Variants in ETNK1 observed in about 807,000 individuals in gnomAD.
ETNK1 encodes the protein putative protein product of Nbla10396.
A neutral mutation model predicts 45.1 loss-of-function variants in ETNK1; 8 were observed. The observed-to-expected ratio is 0.18, with a 90% CI of 0.10 to 0.32. ETNK1 has a LOEUF of 0.32. Ranked by LOEUF, ETNK1 falls within the 10% of genes least tolerant of loss-of-function variation. The pLI, the probability that ETNK1 is intolerant of heterozygous loss-of-function variation, is 1.00. For missense variants in ETNK1, 302 were observed against 430.6 expected (o/e 0.70, Z 2.64); for synonymous variants, 152 against 151.9 (o/e 1.00, Z -0.01).
intron 6 of ETNK1, among the ~76,000 whole-genome samples, chr12:22,678,316 T>A (rs1954180128): frequency 6.6e-6 from 1 of 152,216 alleles, no homozygotes; most frequent in Non-Finnish European, 1.5e-5. Context: ...GAAAATCAGG[T>A]AAGGCTTACC....
In ETNK1 at chr12:22,686,173, T is replaced by C. The variant is rs1954259016; in HGVS notation, c.*1219T>C. 6.6e-6 allele frequency: 1 copy of C among 152,358 alleles called. No homozygotes were observed. The highest frequency in any genetic ancestry group is 1.5e-5 in the Non-Finnish European group (1 of 67,804). The allele number at this position is 152,358 out of a possible 1,614,324, so 9.4% of individuals were successfully genotyped here. A position where few individuals can be genotyped will look rare whatever the true frequency, so the allele number is the denominator to read the frequency against. On this transcript the variant is annotated 3_prime_UTR_variant, in exon 8 of 8. Transcript: ENST00000266517. ...CAGGAGGGCTTTTGTTTATTTCTCT[T>C]GTTTTTGTTTAACTGTATTTTTAAT...
In ETNK1 at chr12:22,656,318, T is replaced by G. The variant is rs1246425472; in HGVS notation, c.417-2696T>G. 4.2e-6 allele frequency: 3 copies of G among 706,688 alleles called. No homozygotes were observed. The African/African-American group carries it at 5.8e-5, about 14-fold the overall frequency. 43.8% of individuals were successfully genotyped at this position (706,688 alleles called of 1,614,324 possible). ...GATTCTCATGAACTTCAAAATACTT[T>G]ATTTAAAAAACAACTTGAGGCAGCA... On this transcript the variant is annotated intron_variant, in intron 2 of 7. Coordinates refer to ENST00000266517, the MANE Select transcript of ETNK1 (RefSeq NM_018638.5).
chr12:22,630,475 T>A (rs1953561896), intron 1 of ETNK1, among the ~76,000 whole-genome samples: 1 of 151,962 alleles, frequency 6.6e-6, no homozygotes, highest in Admixed American at 6.6e-5. Context: ...GTAGATGAGA[T>A]CAGATTGAAA....
chr12:22,650,641 G>C (rs962366185), intron 2 of ETNK1, among the ~76,000 whole-genome samples: 1 of 151,760 alleles, frequency 6.6e-6, no homozygotes, highest in Non-Finnish European at 1.5e-5. Context: ...TGGTCACAGT[G>C]TATAATTTCT....
rs1954281482 is a variant in ETNK1, at chr12:22,688,800, TAGTC to T, written c.*3847_*3850del. ...AAATTGATTTGCTCTGGTTTTTCTT[TAGTC>T]CATTAGATTCCAGAATGTCCTTTTA... On this transcript the variant is annotated 3_prime_UTR_variant, in exon 8 of 8. Coordinates refer to ENST00000266517, the MANE Select transcript of ETNK1 (RefSeq NM_018638.5). 1 of 152,024 alleles carries T rather than the reference TAGTC, an allele frequency of 6.6e-6. No homozygotes were observed. Among genetic ancestry groups the T allele is most frequent in the African/African-American group, 2.4e-5 (1 of 41,458 alleles). 9.4% of individuals were successfully genotyped at this position (152,024 alleles called of 1,614,324 possible). A position where few individuals can be genotyped will look rare whatever the true frequency, so the allele number is the denominator to read the frequency against.
At chr12:22,653,243 T>A (rs904838932) in intron 2 of ETNK1, among the ~76,000 whole-genome samples, 1 of 152,186 alleles carries the variant, frequency 6.6e-6, no homozygotes, top group Admixed American at 6.5e-5. Flanking sequence ...AGCACCATAA[T>A]GTTTTGATTA....
At chr12:22,660,936 G>T in intron 3 of ETNK1, 127 bp from the exon 4 acceptor site, 4 of 711,074 alleles carry the variant, frequency 5.6e-6, no homozygotes, top group Non-Finnish European at 9.0e-6. Context: ...AGAATAATTG[G>T]TCTGTTGTTT....
At chr12:22,684,632 A>G in intron 7 of ETNK1, 76 bp downstream of exon 7, 1 of 1,012,846 alleles carries the variant, frequency 9.9e-7, no homozygotes, top group Non-Finnish European at 1.5e-6. Flanking sequence ...CACAGGGAAT[A>G]TTGTAGTTAT....
At chr12:22,658,838 C>G (rs982374804) in intron 2 of ETNK1, among the ~76,000 whole-genome samples, 176 bp from the exon 3 acceptor site, 2 of 152,160 alleles carry the variant, frequency 1.3e-5, no homozygotes, top group Non-Finnish European at 2.9e-5. Flanking sequence ...TGGGGATACT[C>G]TTGCTAAACT....
intron 5 of ETNK1, among the ~76,000 whole-genome samples, chr12:22,671,820 T>C (rs11046530): frequency 0.047 from 5,997 of 128,780 alleles, 440 homozygotes; most frequent in African/African-American, 0.17. Flanking sequence ...GCCTGGGCGA[T>C]AGAGCAAGAC....
Position 22,687,219 on chromosome 12 carries a change from T to A in ETNK1, c.*2265T>A, listed in dbSNP as rs1954268183. ...TGCTCCTACTTCCTGTATAGGTTTT[T>A]GGGATCATGGTGCAGGCTAGTAATA... On this transcript the variant is annotated 3_prime_UTR_variant, in exon 8 of 8. Coordinates refer to ENST00000266517, the MANE Select transcript of ETNK1 (RefSeq NM_018638.5). 6.6e-6 allele frequency: 1 copy of A among 152,192 alleles called. No homozygotes were observed. The highest frequency in any genetic ancestry group is 2.4e-5 in the African/African-American group (1 of 41,392). The allele number at this position is 152,192 out of a possible 1,614,324, so 9.4% of individuals were successfully genotyped here.
chr12:22,675,139 G>A (rs1954147482), intron 6 of ETNK1, among the ~76,000 whole-genome samples: 1 of 152,178 alleles, frequency 6.6e-6, no homozygotes, highest in African/African-American at 2.4e-5. Context: ...TGTGATCACA[G>A]CTCATTGCAG....
intron 1 of ETNK1, among the ~76,000 whole-genome samples, chr12:22,641,254 G>C (rs1953732566): frequency 6.6e-6 from 1 of 152,122 alleles, no homozygotes; most frequent in Non-Finnish European, 1.5e-5. Flanking sequence ...GGATTGGATG[G>C]TGTCAGGAAG....
intron 4 of ETNK1, among the ~76,000 whole-genome samples, chr12:22,662,423 T>G (rs1393912543): frequency 1.4e-4 from 20 of 138,836 alleles, no homozygotes; most frequent in Non-Finnish European, 1.5e-5. Context: ...TGACTGGATC[T>G]CAGTATGTCA....
At position 22,625,525 on chromosome 12, in the gene ETNK1, G is replaced by A. The variant is rs1202248760; in HGVS notation, c.95G>A (p.Gly32Glu). Reference sequence around the variant, plus strand: ...CAGGAGGAGCATCGCTGCCGGGAGGGGGCCCTGAGCCTCCTGCAACACCTG... The same window carrying A: ...CAGGAGGAGCATCGCTGCCGGGAGGAGGCCCTGAGCCTCCTGCAACACCTG... ...QDQEEHRCRE[G>E]ALSLLQHLRP... is the part of the protein sequence containing the mutation. The change falls in exon 1 of 8, where the codon GGG becomes GAG. Residue 32 changes from glycine to glutamate, a missense_variant. By Grantham distance (98) the Gly-to-Glu change is moderately conservative. Around this residue, in one of 3 missense-constraint regions of ETNK1, gnomAD observed 205 missense variants for 259.9 expected, o/e 0.79. Transcript: ENST00000266517. 6.2e-7 allele frequency: 1 copy of A among 1,606,238 alleles called. No homozygotes were observed. Among genetic ancestry groups the A allele is most frequent in the African/African-American group, 1.3e-5 (1 of 74,810 alleles).
rs1954133463 is a variant in ETNK1, at chr12:22,673,739, A to G, written c.945+79A>G. 13 of 1,353,366 alleles carry G rather than the reference A, an allele frequency of 9.6e-6. No individual in the cohort carries two copies. The East Asian group carries it at 2.8e-4, about 29-fold the overall frequency. The allele number at this position is 1,353,366 out of a possible 1,614,324, so 83.8% of individuals were successfully genotyped here. On this transcript the variant is annotated intron_variant, in intron 6 of 7. Coordinates refer to ENST00000266517, the MANE Select transcript of ETNK1 (RefSeq NM_018638.5). The stretch of plus-strand genomic sequence containing the variant: ...TTCTAAATTTTCGTCATCTTAGACA[A>G]TTTCCTATTTTAAGTTTTGTGAATT...
At chr12:22,634,203 G>A (rs1409142086) in intron 1 of ETNK1, among the ~76,000 whole-genome samples, 1 of 151,940 alleles carries the variant, frequency 6.6e-6, no homozygotes, top group Non-Finnish European at 1.5e-5. Context: ...ATGATTATAA[G>A]ATTTTTCTTA....
At chr12:22,671,441 C>T in intron 5 of ETNK1, 86 bp downstream of exon 5, 1 of 874,540 alleles carries the variant, frequency 1.1e-6, no homozygotes, top group Non-Finnish European at 1.9e-6. Context: ...AAACCGTGAG[C>T]AGGGGGAACA....
chr12:22,666,402 T>A (rs1359187359), intron 4 of ETNK1, among the ~76,000 whole-genome samples: 3 of 152,134 alleles, frequency 2.0e-5, no homozygotes, highest in Non-Finnish European at 4.4e-5. Context: ...TAATAGACTT[T>A]ATATTAAGCA....
Sources: gnomAD v4.1 joint callset for allele counts (sites outside exome capture counted in the v4.1 genomes callset) on GRCh38, gnomAD v4.1.1 for gene constraint, gnomAD v4.1.1 regional missense constraint, MANE v1.5 for transcripts, NCBI Gene and HGNC (gene_info 2026-07-23, HGNC 2026-07-21) for gene names.